GRIN2B: variants seen among roughly 807,000 people sequenced by gnomAD.
The protein encoded by GRIN2B is glutamate receptor ionotropic, NMDA 2B.
GRIN2B carries 5 observed loss-of-function variants against 114.5 expected under a neutral mutation model. The observed-to-expected ratio is 0.04, with a 90% CI of 0.02 to 0.09. GRIN2B has a LOEUF of 0.09. Ranked by LOEUF, GRIN2B falls within the 10% of genes least tolerant of loss-of-function variation. The probability of loss-of-function intolerance (pLI) is 1.00; values close to 1 mark genes in which losing one functional copy is unlikely to be tolerated. For missense variants in GRIN2B, 1,108 were observed against 1,943.5 expected (o/e 0.57, Z 8.08); for synonymous variants, 787 against 745.1 (o/e 1.06, Z -0.92).
intron 4 of GRIN2B, among the ~76,000 whole-genome samples, chr12:13,718,675 C>A (rs2136589949): frequency 6.6e-6 from 1 of 152,156 alleles, no homozygotes; most frequent in Non-Finnish European, 1.5e-5. Flanking sequence ...TGGAAGCCCT[C>A]TAGACAATCA....
chr12:13,661,806 AGAATCTG>A (rs1418761715), intron 5 of GRIN2B, among the ~76,000 whole-genome samples: 1 of 152,202 alleles, frequency 6.6e-6, no homozygotes, highest in Non-Finnish European at 1.5e-5. Context: ...CAGGAAATCC[AGAATCTG>A]GAGTTCTATG....
chr12:13,931,866 C>T lies in GRIN2B; in HGVS notation c.-19+48062G>A, dbSNP rs12302324. On this transcript the variant is annotated intron_variant, in intron 2 of 13. Transcript: ENST00000609686. ...TATATATCTAGAATCTAACACTGTC[C>T]ACCACCTCCATAACTGCGACCTTAA... Among the ~76,000 whole-genome samples the T allele has an allele frequency of 2.3e-3, 347 of 152,172 alleles. 4 individuals are homozygous for T. The highest frequency in any genetic ancestry group is 8.0e-3 in the African/African-American group (331 of 41,510).
At chr12:13,706,092 A>C (rs1404455461) in intron 4 of GRIN2B, among the ~76,000 whole-genome samples, 1 of 152,138 alleles carries the variant, frequency 6.6e-6, no homozygotes, top group African/African-American at 2.4e-5. Flanking sequence ...GGCAGTAAAC[A>C]ATTCTCTACC....
Position 13,753,195 on chromosome 12 carries a change from G to C in GRIN2B, c.1010+122C>G, listed in dbSNP as rs142042853. ...AATCATGACCAATTGCCATGCCCAA[G>C]GCCAGGCTTCAACCTGCTACCGTCT... On this transcript the variant is annotated intron_variant, in intron 4 of 13. Coordinates refer to ENST00000609686, the MANE Select transcript of GRIN2B (RefSeq NM_000834.5). The surrounding 1 kb of genome is among the most constrained non-coding windows in gnomAD (Gnocchi z 6.2). The C allele has an allele frequency of 3.0e-3, 2,321 of 785,308 alleles. 7 individuals carry two copies. The highest frequency in any genetic ancestry group is 4.0e-3 in the Non-Finnish European group (1,739 of 433,480). The allele number at this position is 785,308 out of a possible 1,614,324, so 48.6% of individuals were successfully genotyped here.
intron 5 of GRIN2B, among the ~76,000 whole-genome samples, chr12:13,634,708 C>T (rs781642407): frequency 5.3e-5 from 8 of 152,158 alleles, no homozygotes; most frequent in Non-Finnish European, 8.8e-5. Flanking sequence ...TTGTTAAGTA[C>T]CCAACAGTTT....
Position 13,562,533 on chromosome 12 carries a change from T to C in GRIN2B, c.*250A>G. 1.9e-6 allele frequency: 1 copy of C among 523,696 alleles called. No homozygotes were observed. Among genetic ancestry groups the C allele is most frequent in the Non-Finnish European group, 3.4e-6 (1 of 291,384 alleles). The allele number at this position is 523,696 out of a possible 1,614,324, so 32.4% of individuals were successfully genotyped here. A position where few individuals can be genotyped will look rare whatever the true frequency, so the allele number is the denominator to read the frequency against. ...TCCCCTGCTGAGAGGGCCCATGGCA[T>C]CATCTCATGGGAACAGGAATGGCTG... On this transcript the variant is annotated 3_prime_UTR_variant, in exon 14 of 14. Coordinates refer to ENST00000609686, the MANE Select transcript of GRIN2B (RefSeq NM_000834.5).
chr12:13,580,785 A>C (rs768540144), intron 10 of GRIN2B, among the ~76,000 whole-genome samples: 1 of 152,214 alleles, frequency 6.6e-6, no homozygotes, highest in Non-Finnish European at 1.5e-5. Context: ...TCAAGACACA[A>C]AACAATTCCA....
At chr12:13,964,276 A>T (rs7311519) in intron 2 of GRIN2B, among the ~76,000 whole-genome samples, 11,003 of 152,170 alleles carry the variant, frequency 0.072, 445 homozygotes, top group African/African-American at 0.097. Flanking sequence ...CACCTTAAAG[A>T]CACCATCAAT....
chr12:13,779,428 C>G (rs1864066900), intron 3 of GRIN2B, among the ~76,000 whole-genome samples: 2 of 152,068 alleles, frequency 1.3e-5, no homozygotes, highest in African/African-American at 4.8e-5. Flanking sequence ...GAATTAAGCT[C>G]TAGAATGGCA....
Position 13,908,999 on chromosome 12 carries a change from G to A in GRIN2B, c.-18-42773C>T, listed in dbSNP as rs76250293. ...CGAAGAAGGAGTCCTGGGATTGTGT[G>A]TCCACCATGCTCACTATAAATGGCT... is the stretch of plus-strand genomic sequence containing the variant. On this transcript the variant is annotated intron_variant, in intron 2 of 13. Transcript: ENST00000609686. Among the ~76,000 whole-genome samples the A allele has an allele frequency of 7.9e-3, 1,199 of 152,304 alleles. 3 individuals carry two copies. The highest frequency in any genetic ancestry group is 0.014 in the Middle Eastern group (4 of 294).
chr12:13,958,539 T>C (rs925155992), intron 2 of GRIN2B, among the ~76,000 whole-genome samples: 3 of 152,328 alleles, frequency 2.0e-5, no homozygotes, highest in Admixed American at 2.0e-4. Context: ...GTACACAATA[T>C]GTTTCTGTCT....
At chr12:13,634,121 T>C (rs987556439) in intron 5 of GRIN2B, 2 of 152,182 alleles carry the variant, frequency 1.3e-5, no homozygotes, top group Non-Finnish European at 2.9e-5. Context: ...TGTTCCAGAA[T>C]AAAAGGTAGA....
intron 2 of GRIN2B, among the ~76,000 whole-genome samples, chr12:13,894,356 A>C (rs1866318235): frequency 6.6e-6 from 1 of 152,152 alleles, no homozygotes. Flanking sequence ...AAGGTGGTTA[A>C]GTAAATTGTG....
At chr12:13,709,386 A>G (rs1442639872) in intron 4 of GRIN2B, among the ~76,000 whole-genome samples, 3 of 152,072 alleles carry the variant, frequency 2.0e-5, no homozygotes, top group Non-Finnish European at 4.4e-5. Flanking sequence ...CCAAGATTTT[A>G]AAGCAGCTAT....
chr12:13,606,511 C>T (rs1217865031), intron 10 of GRIN2B, among the ~76,000 whole-genome samples: 1 of 152,194 alleles, frequency 6.6e-6, no homozygotes, highest in Admixed American at 6.5e-5. Flanking sequence ...CCCCCGTGAC[C>T]CAAACACTGG....
intron 5 of GRIN2B, among the ~76,000 whole-genome samples, chr12:13,641,499 C>G (rs1233265814): frequency 6.6e-6 from 1 of 152,082 alleles, no homozygotes; most frequent in Non-Finnish European, 1.5e-5. Context: ...TCCTTTTGCC[C>G]TTGTCTTTAT....
intron 2 of GRIN2B, among the ~76,000 whole-genome samples, chr12:13,931,615 TC>T: frequency 6.6e-6 from 1 of 152,340 alleles, no homozygotes; most frequent in African/African-American, 2.4e-5. Context: ...AGTTCTGACT[TC>T]TTCAAACCTC....
intron 3 of GRIN2B, among the ~76,000 whole-genome samples, chr12:13,788,977 T>C (rs1864267411): frequency 1.3e-5 from 2 of 152,222 alleles, no homozygotes; most frequent in Admixed American, 1.3e-4. Flanking sequence ...CTTAATTTGC[T>C]GACCATCCGA....
intron 4 of GRIN2B, among the ~76,000 whole-genome samples, chr12:13,725,294 G>A (rs1862960570): frequency 6.6e-6 from 1 of 152,110 alleles, no homozygotes; most frequent in African/African-American, 2.4e-5. Context: ...AGAATGAGAG[G>A]AAAGAAAGGG....
Sources: allele counts gnomAD v4.1 joint callset (sites outside exome capture counted in the v4.1 genomes callset), GRCh38; gene constraint gnomAD v4.1.1; non-coding constraint Gnocchi (gnomAD v3.1); transcripts MANE v1.5; gene names NCBI Gene and HGNC (gene_info 2026-07-23, HGNC 2026-07-21).